The following TRRAP variants were observed in gnomAD, a reference collection of about 807,000 sequenced individuals.
TRRAP encodes transformation/transcription domain-associated protein.
TRRAP carries 41 observed loss-of-function variants against 438.8 expected under a neutral mutation model. The ratio of observed to expected loss-of-function variants is 0.09; its 90% confidence interval spans 0.07 to 0.12. TRRAP has a LOEUF of 0.12. TRRAP is among the 10% of genes least tolerant of loss of function. TRRAP has a pLI of 1.00. For missense variants in TRRAP, 3,122 were observed against 5,055.1 expected (o/e 0.62, Z 11.60); for synonymous variants, 1,994 against 1,962.9 (o/e 1.02, Z -0.42).
chr7:98,988,693 G>A, intron 62 of TRRAP, 72 bp from the exon 63 acceptor site: 2 of 1,541,214 alleles, frequency 1.3e-6, no homozygotes, highest in South Asian at 1.2e-5. Flanking sequence ...TTTTATAATG[G>A]TTAATTTCAG....
In TRRAP at chr7:98,994,449, G is replaced by T; in HGVS notation, c.10048-138G>T. 7.9e-7 allele frequency: 1 copy of T among 1,270,698 alleles called. No individual in the cohort carries two copies. Among genetic ancestry groups the T allele is most frequent in the Admixed American group, 2.1e-5 (1 of 46,800 alleles). The allele number at this position is 1,270,698 out of a possible 1,614,324, so 78.7% of individuals were successfully genotyped here. ...CGTTTCTTGCACACGCCGATTTCATGCCTGCTGTGTGTGGGTCCTGCCGGG... is the reference window on the plus strand; with the variant it reads ...CGTTTCTTGCACACGCCGATTTCATTCCTGCTGTGTGTGGGTCCTGCCGGG... On this transcript the variant is annotated intron_variant, in intron 66 of 72. Coordinates refer to ENST00000456197, the MANE Select transcript of TRRAP (RefSeq NM_001375524.1). The surrounding 1 kb of genome is among the most constrained non-coding windows in gnomAD (Gnocchi z 4.8).
chr7:98,987,992 T>C (rs938659303), intron 62 of TRRAP, among the ~76,000 whole-genome samples: 10 of 152,240 alleles, frequency 6.6e-5, no homozygotes, highest in African/African-American at 2.4e-4. Context: ...GTTTTATTTA[T>C]ATTGACTTTT....
chr7:98,940,569 CTG>C (rs1790755101), intron 30 of TRRAP, among the ~76,000 whole-genome samples: 1 of 152,120 alleles, frequency 6.6e-6, no homozygotes, highest in African/African-American at 2.4e-5. Flanking sequence ...GCCTTAATGT[CTG>C]TAGTTTCTGA....
rs1049762856 is a variant in TRRAP at position 98,977,228 on chromosome 7, C to T, written c.8385+152C>T. ...CCAGCCTGGAGTGCAGTGGCACAATCTCGGCTCACTGCAACCTCCACCTCC... is the reference window on the plus strand; with the variant it reads ...CCAGCCTGGAGTGCAGTGGCACAATTTCGGCTCACTGCAACCTCCACCTCC... On this transcript the variant is annotated intron_variant, in intron 56 of 72. Transcript: ENST00000456197. 4 of 1,056,728 alleles carry T rather than the reference C, an allele frequency of 3.8e-6. No homozygotes were observed. The African/African-American group carries it at 6.4e-5, about 17-fold the overall frequency. 65.5% of individuals were successfully genotyped at this position (1,056,728 alleles called of 1,614,324 possible).
chr7:98,901,085 G>T lies in TRRAP; in HGVS notation c.897+365G>T, dbSNP rs77907822. 6.0e-3 allele frequency among the ~76,000 whole-genome samples: 907 copies of T among 152,292 alleles called. 29 individuals are homozygous for T. Among genetic ancestry groups the T allele is most frequent in the Admixed American group, 0.043 (651 of 15,288 alleles). Reference sequence around the variant, plus strand: ...CTTGTTTTACTGATTACTTTTTATTGCTGTGTAGTTGTCTTTGCTTGGCAG... The same window carrying T: ...CTTGTTTTACTGATTACTTTTTATTTCTGTGTAGTTGTCTTTGCTTGGCAG... On this transcript the variant is annotated intron_variant, in intron 11 of 72. Coordinates refer to ENST00000456197, the MANE Select transcript of TRRAP (RefSeq NM_001375524.1).
At chr7:98,949,901 A>C in intron 37 of TRRAP, 60 bp downstream of exon 37, 1 of 1,582,402 alleles carries the variant, frequency 6.3e-7, no homozygotes. Context: ...GCTCAGCCAG[A>C]GCCTCCTTCT....
At chr7:98,972,258 G>A (rs1277165415) in intron 53 of TRRAP, among the ~76,000 whole-genome samples, 1 of 152,164 alleles carries the variant, frequency 6.6e-6, no homozygotes, top group Non-Finnish European at 1.5e-5. Flanking sequence ...GCTCAGACTG[G>A]TCTTGGATTC....
At chr7:98,887,671 A>C (rs1372718296) in intron 3 of TRRAP, among the ~76,000 whole-genome samples, 4 of 134,980 alleles carry the variant, frequency 3.0e-5, no homozygotes, top group Non-Finnish European at 6.2e-5. Context: ...CGGAGGTTGC[A>C]GTGAGCCGAG....
intron 12 of TRRAP, among the ~76,000 whole-genome samples, chr7:98,905,798 T>G (rs557762298): frequency 1.3e-5 from 2 of 152,284 alleles, no homozygotes; most frequent in East Asian, 3.9e-4. Flanking sequence ...TAAAGGGGCA[T>G]TTAGGAGATC....
intron 65 of TRRAP, among the ~76,000 whole-genome samples, chr7:98,992,997 T>G (rs528539038): frequency 6.6e-6 from 1 of 152,242 alleles, no homozygotes; most frequent in Admixed American, 6.5e-5. Context: ...AAATGGTCAT[T>G]AAAGGCTCTG....
In TRRAP at chr7:98,917,686, T is replaced by C. The variant is rs781991754; in HGVS notation, c.2622+7T>C. ...GCGCGCAGAGCTCATGCAGGTAGGA[T>C]TTTAGTGAGGTTGTTAGCTGGCTGC... On this transcript the variant is annotated splice_region_variant and intron_variant, in intron 20 of 72. Transcript: ENST00000456197. 6.2e-7 allele frequency: 1 copy of C among 1,610,838 alleles called. No homozygotes were observed. Among genetic ancestry groups the C allele is most frequent in the African/African-American group, 1.3e-5 (1 of 74,790 alleles).
At chr7:98,900,935 G>A (rs1233291218) in intron 11 of TRRAP, among the ~76,000 whole-genome samples, 2 of 152,104 alleles carry the variant, frequency 1.3e-5, no homozygotes, top group African/African-American at 2.4e-5. Flanking sequence ...CATACACACC[G>A]ATTTATTTGG....
chr7:98,966,559 C>T (rs566379317), intron 49 of TRRAP, among the ~76,000 whole-genome samples: 1 of 152,110 alleles, frequency 6.6e-6, no homozygotes, highest in Non-Finnish European at 1.5e-5. Flanking sequence ...GTGGCGCATG[C>T]CTGTAATCCC....
chr7:98,992,099 G>C (rs1181638167), intron 64 of TRRAP, 38 bp from the exon 65 acceptor site: 1 of 1,598,612 alleles, frequency 6.3e-7, no homozygotes. Flanking sequence ...GAGCTCAGCA[G>C]AGAGCAGCAC....
At chr7:98,925,654 A>C (rs1315227491) in intron 22 of TRRAP, among the ~76,000 whole-genome samples, 4 of 152,184 alleles carry the variant, frequency 2.6e-5, no homozygotes, top group Non-Finnish European at 2.9e-5. Flanking sequence ...GATATTTCTC[A>C]TGTGATGTCT....
chr7:98,896,180 C>T (rs576104294), intron 7 of TRRAP, among the ~76,000 whole-genome samples: 9 of 151,966 alleles, frequency 5.9e-5, no homozygotes, highest in Admixed American at 2.6e-4. Context: ...TTTACAGGCT[C>T]GAAGACTTTT....
rs1554412950 is a variant in TRRAP at position 98,931,613 on chromosome 7, T to C, written c.3800T>C (p.Leu1267Ser). The change falls in exon 26 of 73, where the codon TTG (leucine) becomes TCG (serine). Residue 1267 changes from leucine (L) to serine (S), a missense_variant. Physicochemically the swap from Leu to Ser is moderately radical, Grantham distance 145 (BLOSUM62 -2). Around this residue, in one of 24 missense-constraint regions of TRRAP, gnomAD observed 153 missense variants for 223.0 expected, o/e 0.69. Transcript: ENST00000456197. ...CAGGCCATGCATTCGCTGCAGGTGT[T>C]GGCCCAGGTCACTGGGAAGAGTGTC... ...RKQAMHSLQVLAQVTGKSVTV... is the reference protein window; with the variant it reads ...RKQAMHSLQVSAQVTGKSVTV... 1 of 1,614,248 alleles carries C rather than the reference T, an allele frequency of 6.2e-7. No individual in the cohort carries two copies. Among genetic ancestry groups the C allele is most frequent in the Middle Eastern group, 1.6e-4 (1 of 6,062 alleles).
chr7:98,990,710 T>C, intron 64 of TRRAP, 91 bp downstream of exon 64: 1 of 1,419,392 alleles, frequency 7.0e-7, no homozygotes, highest in Non-Finnish European at 9.5e-7. Flanking sequence ...AATTTGAGTG[T>C]TCAAAGTATT....
intron 21 of TRRAP, among the ~76,000 whole-genome samples, chr7:98,924,541 T>A (rs1789942807): frequency 3.4e-5 from 5 of 147,288 alleles, no homozygotes; most frequent in Admixed American, 2.0e-4. Flanking sequence ...CAAAAAAAAT[T>A]AGCCGGGTGT....
Sources: allele counts gnomAD v4.1 joint callset (sites outside exome capture counted in the v4.1 genomes callset), GRCh38; gene constraint gnomAD v4.1.1; regional missense constraint gnomAD v4.1.1; non-coding constraint Gnocchi (gnomAD v3.1); transcripts MANE v1.5; gene names NCBI Gene and HGNC (gene_info 2026-07-23, HGNC 2026-07-21).